The following EIF2AK2 variants were observed in gnomAD, a reference collection of about 807,000 sequenced individuals.
EIF2AK2 encodes eukaryotic translation initiation factor 2 alpha kinase 2, also known as interferon-induced, double-stranded RNA-activated protein kinase.
In EIF2AK2, 40 loss-of-function variants were observed where a neutral mutation model predicts 70.5. That is an observed-to-expected ratio of 0.57 (90% CI 0.44 to 0.74). EIF2AK2 has a LOEUF of 0.74. EIF2AK2 is among the 30% of genes least tolerant of loss of function. The pLI, the probability that EIF2AK2 is intolerant of heterozygous loss-of-function variation, is 0.00. For missense variants in EIF2AK2, 555 were observed against 644.3 expected (o/e 0.86, Z 1.50); for synonymous variants, 198 against 220.9 (o/e 0.90, Z 0.92).
At chr2:37,141,876 G>GA (rs1038346296) in intron 4 of EIF2AK2, among the ~76,000 whole-genome samples, 175 bp from the exon 5 acceptor site, 2 of 152,026 alleles carry the variant, frequency 1.3e-5, no homozygotes, top group African/African-American at 2.4e-5. Flanking sequence ...CCCTCTACCA[G>GA]AAAAAAATCG....
At chr2:37,141,743 A>T in intron 4 of EIF2AK2, 42 bp from the exon 5 acceptor site, 1 of 1,547,506 alleles carries the variant, frequency 6.5e-7, no homozygotes. Flanking sequence ...AATGACAACA[A>T]AGATTTAACC....
chr2:37,126,154 T>A, intron 11 of EIF2AK2, 135 bp downstream of exon 11: 1 of 1,218,306 alleles, frequency 8.2e-7, no homozygotes. Context: ...AAACTCCTCT[T>A]GGTAGAATGA....
intron 13 of EIF2AK2, among the ~76,000 whole-genome samples, chr2:37,117,207 G>C (rs1674374557): frequency 8.7e-6 from 1 of 115,536 alleles, no homozygotes; most frequent in Non-Finnish European, 1.8e-5. Flanking sequence ...AGGAGACTCT[G>C]TCTCAAAAAA....
intron 1 of EIF2AK2, among the ~76,000 whole-genome samples, chr2:37,153,368 T>A (rs1573046019): frequency 7.9e-6 from 1 of 126,082 alleles, no homozygotes; most frequent in Admixed American, 8.4e-5. Flanking sequence ...TGAGACAGGG[T>A]CTCGCTCTGT....
At chr2:37,135,895 G>C (rs1267886638) in intron 9 of EIF2AK2, among the ~76,000 whole-genome samples, 2 of 152,214 alleles carry the variant, frequency 1.3e-5, no homozygotes, top group Non-Finnish European at 2.9e-5. Context: ...GCCTCCCAAA[G>C]TGCTGGGGAT....
intron 1 of EIF2AK2, among the ~76,000 whole-genome samples, 161 bp downstream of exon 1, chr2:37,156,747 T>C (rs1361271453): frequency 6.6e-6 from 1 of 152,150 alleles, no homozygotes; most frequent in African/African-American, 2.4e-5. Flanking sequence ...GCTCTCCCAG[T>C]GCTGACCCAG....
At position 37,110,388 on chromosome 2, in the gene EIF2AK2, A is replaced by C. The variant is rs1441762349; in HGVS notation, c.1378-1093T>G. 2.0e-5 allele frequency among the ~76,000 whole-genome samples: 3 copies of C among 151,608 alleles called. No individual in the cohort carries two copies. In the East Asian group the frequency reaches 5.8e-4, roughly 29 times the overall value. On this transcript the variant is annotated intron_variant, in intron 14 of 16. Coordinates refer to ENST00000233057, the MANE Select transcript of EIF2AK2 (RefSeq NM_001135651.3). ...TGGGATTACAGGCATGAGCCACTGC[A>C]CCCAGCCAACAAAAGGTTTTTAAAT...
In EIF2AK2 at chr2:37,105,603, T is replaced by C. The variant is rs1673937477; in HGVS notation, c.*1670A>G. On this transcript the variant is annotated 3_prime_UTR_variant, in exon 17 of 17. Coordinates refer to ENST00000233057, the MANE Select transcript of EIF2AK2 (RefSeq NM_001135651.3). ...ATATAAATCTCTTTTCCTTATAAAT[T>C]ATCCAGCTTCAAGTATCCATTTAAA... 1 of 152,210 alleles carries C rather than the reference T, an allele frequency of 6.6e-6. No homozygotes were observed. The highest frequency in any genetic ancestry group is 2.4e-5 in the African/African-American group (1 of 41,434). 9.4% of individuals were successfully genotyped at this position (152,210 alleles called of 1,614,324 possible).
chr2:37,138,843 T>G (rs1558424081), intron 6 of EIF2AK2, among the ~76,000 whole-genome samples: 1 of 152,164 alleles, frequency 6.6e-6, no homozygotes, highest in Non-Finnish European at 1.5e-5. Flanking sequence ...TTGTCTAGGT[T>G]GAAGTGCAGT....
Position 37,139,681 on chromosome 2 carries a change from A to T in EIF2AK2, c.466T>A (p.Leu156Met), listed in dbSNP as rs943430256. Residue 156 changes from leucine to methionine, a missense_variant, in exon 6 of 17, where the codon TTG becomes ATG. Physicochemically the swap from Leu to Met is conservative, Grantham distance 15 (BLOSUM62 2). Transcript: ENST00000233057. ...TGSTKQEAKQ[L>M]AAKLAYLQIL... The stretch of plus-strand genomic sequence containing the variant: ...TGAAGATATGCAAGTTTAGCGGCCA[A>T]TTGTTTTGCTTCCTGTTTAGTAGAA... 6.2e-7 allele frequency: 1 copy of T among 1,614,070 alleles called. No individual in the cohort carries two copies. Among genetic ancestry groups the T allele is most frequent in the East Asian group, 2.2e-5 (1 of 44,864 alleles).
rs796606571 is a variant in EIF2AK2 at position 37,111,954 on chromosome 2, T to G, written c.1378-2659A>C. Among the ~76,000 whole-genome samples, 135 of 144,008 alleles carry G rather than the reference T, an allele frequency of 9.4e-4. 1 individual carries two copies. The South Asian group carries it at 0.017, about 18-fold the overall frequency. 94.5% of individuals were successfully genotyped at this position (144,008 alleles called of 152,430 possible). On this transcript the variant is annotated intron_variant, in intron 14 of 16. Coordinates refer to ENST00000233057, the MANE Select transcript of EIF2AK2 (RefSeq NM_001135651.3). The stretch of plus-strand genomic sequence containing the variant: ...CTCTCTCTCTCTATATATATATATA[T>G]ATAGATTTTGAACAGTATAAAAGTG...
Position 37,103,665 on chromosome 2 carries a change from T to A in EIF2AK2, c.*3608A>T, listed in dbSNP as rs1300679893. ...AACATTTCCAAATCTACAGAAAAGT[T>A]CAAAGAATAATACAACAAACACCTG... On this transcript the variant is annotated 3_prime_UTR_variant, in exon 17 of 17. Coordinates refer to ENST00000233057, the MANE Select transcript of EIF2AK2 (RefSeq NM_001135651.3). 2.0e-5 allele frequency: 3 copies of A among 152,182 alleles called. No individual in the cohort carries two copies. Among genetic ancestry groups the A allele is most frequent in the African/African-American group, 7.2e-5 (3 of 41,442 alleles). The allele number at this position is 152,182 out of a possible 1,614,324, so 9.4% of individuals were successfully genotyped here. A position where few individuals can be genotyped will look rare whatever the true frequency, so the allele number is the denominator to read the frequency against.
chr2:37,135,333 G>C, intron 10 of EIF2AK2, 151 bp downstream of exon 10: 1 of 555,068 alleles, frequency 1.8e-6, no homozygotes, highest in Non-Finnish European at 3.1e-6. Context: ...CCCTCTTAAT[G>C]ATAAGCCTAA....
intron 15 of EIF2AK2, 50 bp from the exon 16 acceptor site, chr2:37,107,577 G>C (rs565001404): frequency 1.3e-6 from 2 of 1,563,396 alleles, no homozygotes; most frequent in Non-Finnish European, 1.7e-6. Context: ...TACTTGGGAG[G>C]AAAGACAGAA....
intron 13 of EIF2AK2, among the ~76,000 whole-genome samples, chr2:37,116,850 C>T (rs1028163742): frequency 6.6e-6 from 1 of 152,022 alleles, no homozygotes; most frequent in African/African-American, 2.4e-5. Context: ...TTTGTGAAGC[C>T]GTGTAAATAT....
intron 13 of EIF2AK2, among the ~76,000 whole-genome samples, chr2:37,118,716 A>C (rs1165751538): frequency 6.6e-6 from 1 of 152,246 alleles, no homozygotes; most frequent in Non-Finnish European, 1.5e-5. Context: ...TATTGGAACC[A>C]GACAGACTCA....
chr2:37,123,036 C>T (rs1426607860), intron 11 of EIF2AK2, among the ~76,000 whole-genome samples: 9 of 151,768 alleles, frequency 5.9e-5, no homozygotes, highest in Admixed American at 3.3e-4. Context: ...GGCACAGTGG[C>T]GCATGTCTGT....
In EIF2AK2 at chr2:37,100,872, C is replaced by T. The variant is rs1327159970; in HGVS notation, c.*6401G>A. The stretch of plus-strand genomic sequence containing the variant: ...CACTACTGGCTTAAATTCTAAATTA[C>T]TGAAAACCATGTAACAGGTAAAAGT... On this transcript the variant is annotated 3_prime_UTR_variant, in exon 17 of 17. Transcript: ENST00000233057. The T allele has an allele frequency of 6.6e-6, 1 of 152,210 alleles. No individual in the cohort carries two copies. The highest frequency in any genetic ancestry group is 1.9e-4 in the East Asian group (1 of 5,202). 9.4% of individuals were successfully genotyped at this position (152,210 alleles called of 1,614,324 possible). A position where few individuals can be genotyped will look rare whatever the true frequency, so the allele number is the denominator to read the frequency against.
At chr2:37,119,322 G>A (rs144355952) in intron 13 of EIF2AK2, among the ~76,000 whole-genome samples, 47 of 152,282 alleles carry the variant, frequency 3.1e-4, no homozygotes, top group African/African-American at 1.1e-3. Context: ...TCTGGACCCA[G>A]TAGCTGTGAC....
Sources: allele counts gnomAD v4.1 joint callset (sites outside exome capture counted in the v4.1 genomes callset), GRCh38; gene constraint gnomAD v4.1.1; transcripts MANE v1.5; gene names NCBI Gene and HGNC (gene_info 2026-07-23, HGNC 2026-07-21).